SAMMSON: variants seen among roughly 807,000 people sequenced by gnomAD.
The protein encoded by SAMMSON is long intergenic non-protein coding RNA 1212.
At chr3:70,274,241 TCA>T (rs1038597086) in intron 6 of SAMMSON, among the ~76,000 whole-genome samples, 1 of 152,084 alleles carries the variant, frequency 6.6e-6, no homozygotes, top group Non-Finnish European at 1.5e-5. Context: ...TTTAATACTC[TCA>T]GTTAGTTCAA....
intron 4 of SAMMSON, among the ~76,000 whole-genome samples, chr3:70,100,362 G>A (rs567607590): frequency 2.0e-4 from 30 of 151,978 alleles, no homozygotes; most frequent in Non-Finnish European, 3.8e-4. Flanking sequence ...TGCTCAGGCT[G>A]GTCTCGAACT....
At chr3:70,423,930 C>T (rs1215614956) in intron 2 of SAMMSON, among the ~76,000 whole-genome samples, 1 of 152,148 alleles carries the variant, frequency 6.6e-6, no homozygotes, top group African/African-American at 2.4e-5. Flanking sequence ...TCTTTCTGGT[C>T]TGGAATTATC....
chr3:70,133,971 C>T (rs752814682), intron 4 of SAMMSON, among the ~76,000 whole-genome samples: 28 of 151,010 alleles, frequency 1.9e-4, no homozygotes, highest in Non-Finnish European at 3.1e-4. Flanking sequence ...GGGCCAGGTG[C>T]GGTGGCTTAC....
At chr3:70,262,593 AATATT>A (rs1441373814) in intron 6 of SAMMSON, among the ~76,000 whole-genome samples, 1 of 152,180 alleles carries the variant, frequency 6.6e-6, no homozygotes, top group Non-Finnish European at 1.5e-5. Flanking sequence ...AGTTGCATGT[AATATT>A]ATATTACAGA....
intron 9 of SAMMSON, among the ~76,000 whole-genome samples, chr3:70,376,598 A>T (rs1430850670): frequency 6.6e-6 from 1 of 152,108 alleles, no homozygotes; most frequent in Non-Finnish European, 1.5e-5. Flanking sequence ...AAGAGGTGTC[A>T]CTTATTTTTC....
At chr3:70,032,954 G>T (rs2067071389) in intron 3 of SAMMSON, among the ~76,000 whole-genome samples, 1 of 152,136 alleles carries the variant, frequency 6.6e-6, no homozygotes, top group Non-Finnish European at 1.5e-5. Context: ...TGATTTCGTT[G>T]CCCAGGTGGG....
At chr3:70,339,456 G>C (rs897013822) in intron 7 of SAMMSON, among the ~76,000 whole-genome samples, 1 of 152,128 alleles carries the variant, frequency 6.6e-6, no homozygotes, top group Non-Finnish European at 1.5e-5. Flanking sequence ...TACCATCAGA[G>C]TCAACATGCA....
chr3:70,218,481 T>TA (rs1311281968), intron 4 of SAMMSON, among the ~76,000 whole-genome samples: 1 of 152,130 alleles, frequency 6.6e-6, no homozygotes, highest in Non-Finnish European at 1.5e-5. Flanking sequence ...CCTCTTTTAC[T>TA]AAAAAAATTC....
At chr3:70,420,205 G>A (rs962629580) in intron 2 of SAMMSON, among the ~76,000 whole-genome samples, 8 of 152,112 alleles carry the variant, frequency 5.3e-5, no homozygotes, top group Non-Finnish European at 8.8e-5. Context: ...GGTACCTGGT[G>A]GGTTTTCTTG....
chr3:70,326,954 G>C (rs1439897757), intron 7 of SAMMSON, among the ~76,000 whole-genome samples: 1 of 152,150 alleles, frequency 6.6e-6, no homozygotes, highest in Admixed American at 6.5e-5. Context: ...TGCCTTCTGG[G>C]TTTAAGAAAT....
intron 6 of SAMMSON, among the ~76,000 whole-genome samples, chr3:70,273,888 G>C (rs1349213111): frequency 6.6e-6 from 1 of 152,040 alleles, no homozygotes; most frequent in Non-Finnish European, 1.5e-5. Context: ...CTGAAGACTT[G>C]AACTCCTAGG....
intron 4 of SAMMSON, among the ~76,000 whole-genome samples, chr3:70,150,244 CT>C (rs1401975661): frequency 6.6e-6 from 1 of 151,988 alleles, no homozygotes; most frequent in Non-Finnish European, 1.5e-5. Flanking sequence ...TTGGTGAACC[CT>C]TTTTCAGTTT....
chr3:70,214,380 C>G (rs544688850), intron 4 of SAMMSON, among the ~76,000 whole-genome samples: 2 of 151,944 alleles, frequency 1.3e-5, no homozygotes, highest in Non-Finnish European at 2.9e-5. Flanking sequence ...TCAAGGGCTA[C>G]GACAAGAGGA....
At chr3:70,115,572 C>A (rs1348372575) in intron 4 of SAMMSON, among the ~76,000 whole-genome samples, 1 of 152,082 alleles carries the variant, frequency 6.6e-6, no homozygotes, top group African/African-American at 2.4e-5. Flanking sequence ...AACGTGGATT[C>A]TCTTTCTTTT....
At chr3:70,342,664 A>C (rs1702719891) in intron 7 of SAMMSON, among the ~76,000 whole-genome samples, 1 of 152,214 alleles carries the variant, frequency 6.6e-6, no homozygotes, top group African/African-American at 2.4e-5. Context: ...AGTTTATGAG[A>C]TATACACCCT....
At chr3:70,169,196 A>G (rs2067651239) in intron 4 of SAMMSON, among the ~76,000 whole-genome samples, 1 of 152,096 alleles carries the variant, frequency 6.6e-6, no homozygotes, top group African/African-American at 2.4e-5. Context: ...ATTGCTACCT[A>G]TGAATAATCT....
At chr3:70,003,716 TA>T (rs1559769604) in intron 1 of SAMMSON, among the ~76,000 whole-genome samples, 1 of 98,748 alleles carries the variant, frequency 1.0e-5, no homozygotes, top group South Asian at 3.9e-4. Flanking sequence ...ATATTTACCA[TA>T]TTTTTTTTGC....
At chr3:70,178,304 A>G (rs949044268) in intron 4 of SAMMSON, among the ~76,000 whole-genome samples, 1 of 152,158 alleles carries the variant, frequency 6.6e-6, no homozygotes, top group Non-Finnish European at 1.5e-5. Flanking sequence ...GATACACTTA[A>G]GACAGCCCTC....
At chr3:70,037,182 C>G (rs1008269610) in intron 3 of SAMMSON, among the ~76,000 whole-genome samples, 2 of 151,806 alleles carry the variant, frequency 1.3e-5, no homozygotes, top group Admixed American at 6.6e-5. Flanking sequence ...TCCACCCCTC[C>G]TTAAGGGAAC....
Sources: allele counts gnomAD v4.1 joint callset (sites outside exome capture counted in the v4.1 genomes callset), GRCh38; gene constraint gnomAD v4.1.1; transcripts MANE v1.5; gene names NCBI Gene and HGNC (gene_info 2026-07-23, HGNC 2026-07-21).